The following MAGI2 variants were observed in gnomAD, a reference collection of about 807,000 sequenced individuals.
MAGI2 encodes membrane-associated guanylate kinase, WW and PDZ domain-containing protein 2.
In MAGI2, 35 loss-of-function variants were observed where a neutral mutation model predicts 133.3. That is an observed-to-expected ratio of 0.26 (90% CI 0.20 to 0.35). The LOEUF is 0.35. MAGI2 is among the 10% of genes least tolerant of loss of function. The pLI, the probability that MAGI2 is intolerant of heterozygous loss-of-function variation, is 1.00. For synonymous variants in MAGI2, 729 were observed against 710.6 expected (o/e 1.03, Z -0.41); for missense variants, 1,636 against 1,863.4 (o/e 0.88, Z 2.25).
intron 2 of MAGI2, among the ~76,000 whole-genome samples, chr7:78,997,369 C>T (rs1229675264): frequency 6.6e-6 from 1 of 152,008 alleles, no homozygotes; most frequent in African/African-American, 2.4e-5. Context: ...TTTGGGAGGC[C>T]TAGGCAGGCG....
intron 1 of MAGI2, among the ~76,000 whole-genome samples, chr7:79,093,462 T>C (rs1817242785): frequency 6.6e-6 from 1 of 152,214 alleles, no homozygotes; most frequent in South Asian, 2.1e-4. Context: ...AAAAGTTATA[T>C]CTACACCACA....
rs562821789 is a variant in MAGI2 at position 79,313,233 on chromosome 7, C to T, written c.301+139787G>A. Among the ~76,000 whole-genome samples, 5 of 152,182 alleles carry T rather than the reference C, an allele frequency of 3.3e-5. No individual in the cohort carries two copies. In the East Asian group the frequency reaches 9.7e-4, roughly 29 times the overall value. Reference sequence around the variant, plus strand: ...TTGATGTGGCAATGCAAAAAATACACAAAAACCAGGCAAACTTTATTTTCT... The same window carrying T: ...TTGATGTGGCAATGCAAAAAATACATAAAAACCAGGCAAACTTTATTTTCT... On this transcript the variant is annotated intron_variant, in intron 1 of 21. Transcript: ENST00000354212.
chr7:78,472,904 C>T (rs890117450), intron 6 of MAGI2, among the ~76,000 whole-genome samples: 1 of 152,100 alleles, frequency 6.6e-6, no homozygotes, highest in Non-Finnish European at 1.5e-5. Context: ...CTGGGCTCTG[C>T]TGCATGCCTA....
chr7:78,189,141 C>A (rs3807657), intron 12 of MAGI2, among the ~76,000 whole-genome samples: 42,005 of 151,964 alleles, frequency 0.28, 6,360 homozygotes, highest in South Asian at 0.36. Flanking sequence ...AATACAACCA[C>A]CCGTTTGTGA....
chr7:78,819,751 C>T (rs1016584549), intron 2 of MAGI2, among the ~76,000 whole-genome samples: 4 of 151,912 alleles, frequency 2.6e-5, no homozygotes, highest in Admixed American at 2.0e-4. Flanking sequence ...TGTTCCTATA[C>T]TATTTAGTTC....
intron 1 of MAGI2, among the ~76,000 whole-genome samples, chr7:79,139,128 G>T (rs1821885114): frequency 6.6e-6 from 1 of 152,168 alleles, no homozygotes; most frequent in Admixed American, 6.5e-5. Context: ...GCTTGATCTT[G>T]AACTTCCAGC....
rs541065794 is a variant in MAGI2, at chr7:78,156,418, ACT to A, written c.2845+3605_2845+3606del. 1.2e-3 allele frequency among the ~76,000 whole-genome samples: 187 copies of A among 152,274 alleles called. 1 individual carries two copies. The highest frequency in any genetic ancestry group is 4.4e-3 in the African/African-American group (183 of 41,556). ...CTAACAGAACCTATAGCCAGAGTAA[ACT>A]CTGCACTACTCGACAAGAGTGAGCT... On this transcript the variant is annotated intron_variant, in intron 16 of 21. Coordinates refer to ENST00000354212, the MANE Select transcript of MAGI2 (RefSeq NM_012301.4).
intron 1 of MAGI2, among the ~76,000 whole-genome samples, chr7:79,182,544 C>G (rs892161838): frequency 6.6e-5 from 10 of 151,964 alleles, no homozygotes; most frequent in Non-Finnish European, 1.3e-4. Flanking sequence ...CAAACCACAT[C>G]AGTGAGCATG....
chr7:78,322,002 A>T (rs1418591872), intron 9 of MAGI2, among the ~76,000 whole-genome samples: 1 of 152,254 alleles, frequency 6.6e-6, no homozygotes, highest in African/African-American at 2.4e-5. Flanking sequence ...GCCAAGAAAC[A>T]TGAAAAAAAG....
chr7:78,967,620 T>C (rs898698607), intron 2 of MAGI2, among the ~76,000 whole-genome samples: 6 of 147,834 alleles, frequency 4.1e-5, no homozygotes, highest in African/African-American at 1.3e-4. Flanking sequence ...TTGATTTTTT[T>C]TTTATATATA....
chr7:78,659,957 G>A (rs1030216747), intron 2 of MAGI2, among the ~76,000 whole-genome samples: 1 of 152,138 alleles, frequency 6.6e-6, no homozygotes, highest in Non-Finnish European at 1.5e-5. Context: ...AAAACGATGA[G>A]TTCGTGTCCT....
intron 1 of MAGI2, among the ~76,000 whole-genome samples, chr7:79,048,918 G>C (rs1430266375): frequency 1.3e-5 from 2 of 152,196 alleles, no homozygotes; most frequent in Non-Finnish European, 2.9e-5. Context: ...AACCTGGGAG[G>C]CAGAGGTTGC....
At chr7:79,216,834 CAATT>C (rs1255601221) in intron 1 of MAGI2, among the ~76,000 whole-genome samples, 1 of 151,994 alleles carries the variant, frequency 6.6e-6, no homozygotes, top group Non-Finnish European at 1.5e-5. Flanking sequence ...GAGTAAGAGA[CAATT>C]AATTTGTTTA....
intron 2 of MAGI2, among the ~76,000 whole-genome samples, chr7:78,857,399 T>C (rs544752073): frequency 3.8e-4 from 58 of 152,330 alleles, no homozygotes; most frequent in African/African-American, 1.3e-3. Context: ...TTGTCATAGA[T>C]AGCTCTTACT....
chr7:79,453,301 T>A lies in MAGI2; in HGVS notation c.20A>T (p.Lys7Met). Residue 7 changes from lysine to methionine, a missense_variant, in exon 1 of 22, where the codon AAG becomes ATG. Transcript: ENST00000354212. The stretch of plus-strand genomic sequence containing the variant: ...GACTTTGCTAGTCCAGTGGCTTTTC[T>A]TTTTCAAGCTTTTGGACATGGCAGT... MSKSLK[K>M]KSHWTSKVHE... is the part of the protein sequence containing the mutation. 1 of 1,611,408 alleles carries A rather than the reference T, an allele frequency of 6.2e-7. No individual in the cohort carries two copies. Among genetic ancestry groups the A allele is most frequent in the South Asian group, 1.1e-5 (1 of 90,832 alleles).
chr7:78,962,543 T>A (rs1341714607), intron 2 of MAGI2, among the ~76,000 whole-genome samples: 2 of 151,392 alleles, frequency 1.3e-5, no homozygotes, highest in South Asian at 4.2e-4. Flanking sequence ...AGGTACATGC[T>A]GTGCTATAAC....
intron 2 of MAGI2, among the ~76,000 whole-genome samples, chr7:78,759,124 ACT>A (rs2151295123): frequency 6.6e-6 from 1 of 152,276 alleles, no homozygotes; most frequent in East Asian, 1.9e-4. Context: ...TGGGAAAATC[ACT>A]GTCAGAAATA....
chr7:78,071,606 T>G (rs981907965), intron 21 of MAGI2, among the ~76,000 whole-genome samples: 1 of 152,200 alleles, frequency 6.6e-6, no homozygotes, highest in African/African-American at 2.4e-5. Flanking sequence ...CTGCAGTTTT[T>G]ATGGTTAGCG....
chr7:79,174,251 T>C (rs1441685170), intron 1 of MAGI2, among the ~76,000 whole-genome samples: 1 of 152,062 alleles, frequency 6.6e-6, no homozygotes, highest in Non-Finnish European at 1.5e-5. Context: ...GAATCATCTA[T>C]TTATATCCTT....
Sources: gnomAD v4.1 joint callset for allele counts (sites outside exome capture counted in the v4.1 genomes callset) on GRCh38, gnomAD v4.1.1 for gene constraint, MANE v1.5 for transcripts, NCBI Gene and HGNC (gene_info 2026-07-23, HGNC 2026-07-21) for gene names.